Variants in NYAP2 observed in about 807,000 individuals in gnomAD.
NYAP2 encodes neuronal tyrosine-phosphorylated phosphoinositide-3-kinase adapter 2.
A neutral mutation model predicts 50.4 loss-of-function variants in NYAP2; 23 were observed. The ratio of observed to expected loss-of-function variants is 0.46; its 90% confidence interval spans 0.33 to 0.65. The LOEUF (loss-of-function observed/expected upper bound fraction) is 0.65. Among genes scored for constraint, NYAP2 ranks in the 30% least tolerant of loss-of-function variants. The pLI, the probability that NYAP2 is intolerant of heterozygous loss-of-function variation, is 0.02. For synonymous variants in NYAP2, 394 were observed against 365.2 expected (o/e 1.08, Z -0.90); for missense variants, 885 against 861.0 (o/e 1.03, Z -0.35).
chr2:225,614,773 G>A (rs1692958440), intron 5 of NYAP2, among the ~76,000 whole-genome samples: 1 of 152,318 alleles, frequency 6.6e-6, no homozygotes, highest in Admixed American at 6.5e-5. Flanking sequence ...GAAGCTGAGT[G>A]CTACATGAAT....
intron 3 of NYAP2, among the ~76,000 whole-genome samples, chr2:225,459,290 G>A (rs1435151747): frequency 6.6e-6 from 1 of 152,216 alleles, no homozygotes; most frequent in East Asian, 1.9e-4. Flanking sequence ...CAACAATGCA[G>A]TGTTGACATT....
intron 3 of NYAP2, among the ~76,000 whole-genome samples, chr2:225,471,866 G>A (rs1690016090): frequency 6.6e-6 from 1 of 152,072 alleles, no homozygotes; most frequent in African/African-American, 2.4e-5. Context: ...ATGCTTCAAG[G>A]AACCCATTAG....
chr2:225,525,446 T>C (rs1326802854), intron 4 of NYAP2, among the ~76,000 whole-genome samples: 5 of 152,152 alleles, frequency 3.3e-5, no homozygotes, highest in South Asian at 2.1e-4. Context: ...TACATAGCCA[T>C]AACAATGAAT....
At chr2:225,422,826 G>A (rs78107463) in intron 3 of NYAP2, among the ~76,000 whole-genome samples, 488 of 152,268 alleles carry the variant, frequency 3.2e-3, no homozygotes, top group Non-Finnish European at 5.4e-3. Flanking sequence ...TTTAATGACA[G>A]CATCTTAGTC....
At chr2:225,494,645 T>A in intron 3 of NYAP2, among the ~76,000 whole-genome samples, 1 of 152,256 alleles carries the variant, frequency 6.6e-6, no homozygotes, top group East Asian at 1.9e-4. Context: ...AGGCCTTCCA[T>A]ACGCTTTTGC....
chr2:225,437,511 A>C (rs1689398644), intron 3 of NYAP2, among the ~76,000 whole-genome samples: 1 of 152,192 alleles, frequency 6.6e-6, no homozygotes, highest in African/African-American at 2.4e-5. Flanking sequence ...CACTGCTTGT[A>C]GATCACAATT....
chr2:225,490,484 A>AT (rs1308890421), intron 3 of NYAP2, among the ~76,000 whole-genome samples: 3 of 152,176 alleles, frequency 2.0e-5, no homozygotes, highest in Non-Finnish European at 4.4e-5. Context: ...AAGACTGGGG[A>AT]TTTTCCTTGC....
At chr2:225,622,508 TTCTTTCTTTC>T (rs1317058121) in intron 5 of NYAP2, among the ~76,000 whole-genome samples, 31 of 26,964 alleles carry the variant, frequency 1.1e-3, no homozygotes, top group Admixed American at 5.8e-3. Flanking sequence ...TTTCTTTTCT[TTCTTTCTTTC>T]TTCTTTCTTT....
intron 4 of NYAP2, among the ~76,000 whole-genome samples, chr2:225,567,505 C>T (rs181121108): frequency 8.7e-4 from 133 of 152,154 alleles, no homozygotes; most frequent in Non-Finnish European, 3.5e-4. Context: ...TAAATTAATT[C>T]TCCCTTCAGA....
chr2:225,477,640 T>A (rs1690139275), intron 3 of NYAP2, among the ~76,000 whole-genome samples: 1 of 152,184 alleles, frequency 6.6e-6, no homozygotes, highest in African/African-American at 2.4e-5. Context: ...AGAAACTTAC[T>A]TTATAAGAGT....
intron 3 of NYAP2, among the ~76,000 whole-genome samples, chr2:225,425,274 G>T (rs1485748702): frequency 2.0e-5 from 3 of 152,062 alleles, no homozygotes; most frequent in Non-Finnish European, 4.4e-5. Flanking sequence ...AGTCAGCTTG[G>T]CATATCAGCA....
chr2:225,460,934 A>C (rs796188454), intron 3 of NYAP2, among the ~76,000 whole-genome samples: 5 of 144,574 alleles, frequency 3.5e-5, no homozygotes, highest in African/African-American at 1.3e-4. Flanking sequence ...CGGAGCTTGC[A>C]GTGAGCCGAA....
At chr2:225,671,829 C>T in the NYAP2 span, among the ~76,000 whole-genome samples, 3 of 152,104 alleles carry the variant, frequency 2.0e-5, no homozygotes. Context: ...AAACATTAAT[C>T]TCCTTGTACA....
intron 3 of NYAP2, among the ~76,000 whole-genome samples, chr2:225,416,135 C>G (rs1213660801): frequency 1.3e-5 from 2 of 152,128 alleles, no homozygotes; most frequent in Admixed American, 6.6e-5. Flanking sequence ...ATTCGAATCA[C>G]TTTTCTATTA....
intron 4 of NYAP2, among the ~76,000 whole-genome samples, chr2:225,559,947 C>G (rs1230054649): frequency 6.6e-6 from 1 of 151,990 alleles, no homozygotes; most frequent in Non-Finnish European, 1.5e-5. Flanking sequence ...ATTAGGAATG[C>G]ATGATGTAAA....
chr2:225,579,704 A>G (rs1692238639), intron 4 of NYAP2, among the ~76,000 whole-genome samples: 1 of 152,176 alleles, frequency 6.6e-6, no homozygotes, highest in African/African-American at 2.4e-5. Context: ...CAGATCTGCC[A>G]CTGAAAGCCT....
intron 3 of NYAP2, among the ~76,000 whole-genome samples, chr2:225,499,848 TAGC>T (rs1184993793): frequency 3.3e-5 from 5 of 151,514 alleles, no homozygotes; most frequent in Non-Finnish European, 5.9e-5. Context: ...CAAGAAAAAA[TAGC>T]AGAAGGGAAG....
intron 4 of NYAP2, among the ~76,000 whole-genome samples, chr2:225,559,289 C>T (rs951460924): frequency 4.0e-5 from 6 of 151,064 alleles, no homozygotes; most frequent in African/African-American, 1.5e-4. Flanking sequence ...CTCCATCGCT[C>T]ATTTATCATG....
chr2:225,620,536 T>C (rs1057472478), intron 5 of NYAP2, among the ~76,000 whole-genome samples: 1 of 152,118 alleles, frequency 6.6e-6, no homozygotes, highest in Admixed American at 6.5e-5. Context: ...TATTCCCAAA[T>C]AAAATTCTCC....
Sources: allele counts gnomAD v4.1 joint callset (sites outside exome capture counted in the v4.1 genomes callset), GRCh38; gene constraint gnomAD v4.1.1; transcripts MANE v1.5; gene names NCBI Gene and HGNC (gene_info 2026-07-23, HGNC 2026-07-21).